The following KCNIP1 variants were observed in gnomAD, a reference collection of about 807,000 sequenced individuals.
KCNIP1 encodes A-type potassium channel modulatory protein KCNIP1.
Under a neutral mutation model 33.0 loss-of-function variants are expected in KCNIP1, and 18 were observed. That is an observed-to-expected ratio of 0.55 (90% CI 0.38 to 0.81). KCNIP1 has a LOEUF of 0.81. Ranked by LOEUF, KCNIP1 falls within the 30% of genes least tolerant of loss-of-function variation. The probability of loss-of-function intolerance (pLI) is 0.00; values close to 1 mark genes in which losing one functional copy is unlikely to be tolerated. For synonymous variants in KCNIP1, 93 were observed against 98.3 expected, an observed-to-expected ratio of 0.95 and a Z score of 0.32; for missense variants, 238 against 271.6, an observed-to-expected ratio of 0.88 and a Z score of 0.87.
At chr5:170,546,804 T>C (rs539418359) in intron 1 of KCNIP1, among the ~76,000 whole-genome samples, 26 of 152,314 alleles carry the variant, frequency 1.7e-4, no homozygotes, top group African/African-American at 6.3e-4. Context: ...TTATTATTAA[T>C]ATATACAGCA....
At chr5:170,549,973 C>T (rs916769312) in intron 1 of KCNIP1, among the ~76,000 whole-genome samples, 1 of 151,710 alleles carries the variant, frequency 6.6e-6, no homozygotes, top group African/African-American at 2.4e-5. Context: ...TATGTGCTTA[C>T]CACTTTGAGT....
intron 1 of KCNIP1, among the ~76,000 whole-genome samples, chr5:170,427,124 C>T (rs573384573): frequency 1.3e-5 from 2 of 152,344 alleles, no homozygotes; most frequent in African/African-American, 4.8e-5. Context: ...GTCATGGCCT[C>T]CCAGAGCCTC....
chr5:170,660,252 T>C (rs571897122), intron 1 of KCNIP1, among the ~76,000 whole-genome samples: 89 of 152,294 alleles, frequency 5.8e-4, no homozygotes, highest in African/African-American at 2.0e-3. Flanking sequence ...AATTCAATCA[T>C]GTTTCTCATT....
At chr5:170,640,318 G>C (rs1760490859) in intron 1 of KCNIP1, among the ~76,000 whole-genome samples, 1 of 152,222 alleles carries the variant, frequency 6.6e-6, no homozygotes, top group South Asian at 2.1e-4. Context: ...ATTGTGAGTA[G>C]GGCACGCAGG....
intron 5 of KCNIP1, among the ~76,000 whole-genome samples, chr5:170,724,794 A>G (rs1763952912): frequency 1.3e-5 from 2 of 152,232 alleles, no homozygotes; most frequent in African/African-American, 4.8e-5. Flanking sequence ...ACTGAAAACT[A>G]TAAAATATTG....
At chr5:170,640,749 G>A (rs1037335430) in intron 1 of KCNIP1, among the ~76,000 whole-genome samples, 1 of 152,088 alleles carries the variant, frequency 6.6e-6, no homozygotes, top group African/African-American at 2.4e-5. Flanking sequence ...TAAGATCCTC[G>A]GCCCTTGCCC....
chr5:170,584,175 G>A (rs1241465394), intron 1 of KCNIP1, among the ~76,000 whole-genome samples: 1 of 152,256 alleles, frequency 6.6e-6, no homozygotes, highest in Non-Finnish European at 1.5e-5. Context: ...AAGAAGTGCT[G>A]TGATCTATTA....
At chr5:170,540,997 G>A (rs184573805) in intron 1 of KCNIP1, among the ~76,000 whole-genome samples, 1 of 152,204 alleles carries the variant, frequency 6.6e-6, no homozygotes, top group Non-Finnish European at 1.5e-5. Context: ...ATAGAATGGG[G>A]GTATAGAGAT....
At chr5:170,593,555 C>T (rs772985218) in intron 1 of KCNIP1, among the ~76,000 whole-genome samples, 1 of 152,214 alleles carries the variant, frequency 6.6e-6, no homozygotes, top group Non-Finnish European at 1.5e-5. Flanking sequence ...CCATCAGCCC[C>T]CTTCCACCTA....
chr5:170,553,405 G>A (rs1756726947), intron 1 of KCNIP1, among the ~76,000 whole-genome samples: 1 of 152,192 alleles, frequency 6.6e-6, no homozygotes, highest in Non-Finnish European at 1.5e-5. Context: ...TTTCATGGAT[G>A]AGGAAAACTG....
chr5:170,711,178 A>T (rs1164334692), intron 1 of KCNIP1, among the ~76,000 whole-genome samples: 1 of 152,176 alleles, frequency 6.6e-6, no homozygotes, highest in Non-Finnish European at 1.5e-5. Flanking sequence ...CCTTTCATGG[A>T]GCAGTTACTC....
chr5:170,436,491 G>C (rs763472677), intron 1 of KCNIP1, among the ~76,000 whole-genome samples: 1 of 152,226 alleles, frequency 6.6e-6, no homozygotes, highest in Non-Finnish European at 1.5e-5. Context: ...CTCAGTCTTG[G>C]GTCAGCACTG....
intron 1 of KCNIP1, among the ~76,000 whole-genome samples, chr5:170,598,902 C>CGTGTGT (rs1251870404): frequency 7.9e-5 from 4 of 50,428 alleles, no homozygotes; most frequent in African/African-American, 2.4e-4. Flanking sequence ...TGTGTGTGTG[C>CGTGTGT]GCGTGTGTGT....
At chr5:170,648,693 C>T (rs1303285377) in intron 1 of KCNIP1, among the ~76,000 whole-genome samples, 5 of 152,086 alleles carry the variant, frequency 3.3e-5, no homozygotes, top group African/African-American at 7.2e-5. Context: ...AGACATATGT[C>T]GTAATTCATT....
chr5:170,568,628 A>T (rs1029695241), intron 1 of KCNIP1, among the ~76,000 whole-genome samples: 1 of 139,666 alleles, frequency 7.2e-6, no homozygotes, highest in Non-Finnish European at 1.5e-5. Flanking sequence ...CCTGGCGAAC[A>T]TGGTGAAACC....
At chr5:170,402,680 T>C (rs754528297) in intron 1 of KCNIP1, among the ~76,000 whole-genome samples, 2 of 152,164 alleles carry the variant, frequency 1.3e-5, no homozygotes, top group Non-Finnish European at 2.9e-5. Flanking sequence ...GGACTAGTCA[T>C]GTGGTCTGCC....
chr5:170,701,761 G>A (rs990533154), intron 1 of KCNIP1, among the ~76,000 whole-genome samples: 4 of 152,200 alleles, frequency 2.6e-5, no homozygotes, highest in South Asian at 2.1e-4. Context: ...TCTTTTGATA[G>A]CAGCAGACTG....
At chr5:170,481,516 A>G (rs1756975981) in intron 1 of KCNIP1, among the ~76,000 whole-genome samples, 1 of 152,254 alleles carries the variant, frequency 6.6e-6, no homozygotes, top group African/African-American at 2.4e-5. Flanking sequence ...ATGTTGTTCT[A>G]ATGTAAAAAT....
intron 1 of KCNIP1, among the ~76,000 whole-genome samples, chr5:170,694,369 T>C (rs1172155978): frequency 1.3e-5 from 2 of 152,178 alleles, no homozygotes; most frequent in East Asian, 1.9e-4. Context: ...AAGTGTTTTT[T>C]AAAATGGTAA....
Sources: allele counts gnomAD v4.1 joint callset (sites outside exome capture counted in the v4.1 genomes callset), GRCh38; gene constraint gnomAD v4.1.1; transcripts MANE v1.5; gene names NCBI Gene and HGNC (gene_info 2026-07-23, HGNC 2026-07-21).